CEP57L1: variants seen among roughly 807,000 people sequenced by gnomAD.
CEP57L1 encodes centrosomal protein 57 like 1, also known as centrosomal protein CEP57L1.
CEP57L1 carries 37 observed loss-of-function variants against 61.0 expected under a neutral mutation model. The ratio of observed to expected loss-of-function variants is 0.61; its 90% CI spans 0.47 to 0.80. The LOEUF (loss-of-function observed/expected upper bound fraction) is 0.80. CEP57L1 is among the 30% of genes least tolerant of loss of function. CEP57L1 has a pLI of 0.00. For missense variants in CEP57L1, 422 were observed against 524.7 expected, an observed-to-expected ratio of 0.80 and a Z score of 1.91; for synonymous variants, 137 against 162.3, an observed-to-expected ratio of 0.84 and a Z score of 1.19.
At chr6:109,133,519 C>G (rs1774438603) in intron 1 of CEP57L1, among the ~76,000 whole-genome samples, 1 of 152,094 alleles carries the variant, frequency 6.6e-6, no homozygotes, top group East Asian at 1.9e-4. Context: ...GGTTGGGGAC[C>G]CCTGTGTTAA....
At position 109,171,100 on chromosome 6, in the gene CEP57L1, A is replaced by AG. The variant is rs151027819; in HGVS notation, c.*8132dup. 0.14 allele frequency among the ~76,000 whole-genome samples: 20,626 copies of AG among 152,112 alleles called. 1,641 individuals are homozygous for AG. The highest frequency in any genetic ancestry group is 0.21 in the African/African-American group (8,855 of 41,466). ...GGACACTTAAGCCAAAATTTCAAAC[A>AG]GGTTCTTTTTTCTTTGTTCTTTTAC... On this transcript the variant is annotated 3_prime_UTR_variant, in exon 11 of 11. Transcript: ENST00000517392.
At chr6:109,155,447 A>C in intron 6 of CEP57L1, 140 bp downstream of exon 6, 2 of 504,312 alleles carry the variant, frequency 4.0e-6, no homozygotes, top group Non-Finnish European at 3.4e-6. Flanking sequence ...TGAAATTCTC[A>C]GTCAGCCAGT....
rs533026245 is a variant in CEP57L1 at position 109,170,684 on chromosome 6, C to T, written c.*7714C>T. Among the ~76,000 whole-genome samples the T allele has an allele frequency of 1.1e-4, 16 of 152,238 alleles. No homozygotes were observed. Among genetic ancestry groups the T allele is most frequent in the Admixed American group, 6.5e-4 (10 of 15,306 alleles). The stretch of plus-strand genomic sequence containing the variant: ...TTAAAATTAAATTTTAAAAAGCTCT[C>T]GAGAAGTCTGTGGAACATTTATGGT... On this transcript the variant is annotated 3_prime_UTR_variant, in exon 11 of 11. Transcript: ENST00000517392.
At chr6:109,135,789 A>C (rs934062246) in intron 1 of CEP57L1, among the ~76,000 whole-genome samples, 7 of 152,134 alleles carry the variant, frequency 4.6e-5, no homozygotes, top group African/African-American at 9.7e-5. Flanking sequence ...GGAGACATGT[A>C]TGCAGCCAAC....
chr6:109,124,704 T>C (rs957374138), intron 1 of CEP57L1, among the ~76,000 whole-genome samples: 4 of 152,194 alleles, frequency 2.6e-5, no homozygotes, highest in Non-Finnish European at 4.4e-5. Context: ...ACCCATTCTC[T>C]CACTTTCTTT....
intron 1 of CEP57L1, among the ~76,000 whole-genome samples, chr6:109,104,532 C>A (rs182864359): frequency 1.3e-5 from 2 of 152,250 alleles, no homozygotes; most frequent in African/African-American, 2.4e-5. Flanking sequence ...TTCCCCACAT[C>A]CTTGACAAAA....
intron 1 of CEP57L1, among the ~76,000 whole-genome samples, chr6:109,142,958 TCTCTCTCTCTC>T (rs1162775960): frequency 8.9e-5 from 5 of 55,952 alleles, no homozygotes; most frequent in Non-Finnish European, 1.5e-4. Flanking sequence ...TCTCTCTCTC[TCTCTCTCTCTC>T]TCTCTCTCTC....
At chr6:109,101,623 C>CTTT (rs1175348573) in intron 1 of CEP57L1, among the ~76,000 whole-genome samples, 1 of 139,930 alleles carries the variant, frequency 7.1e-6, no homozygotes, top group Non-Finnish European at 1.5e-5. Context: ...TTTCTTTTTT[C>CTTT]TTTTTTTTTT....
chr6:109,117,992 G>A (rs932384715), intron 1 of CEP57L1, among the ~76,000 whole-genome samples: 1 of 152,212 alleles, frequency 6.6e-6, no homozygotes, highest in Non-Finnish European at 1.5e-5. Flanking sequence ...TAAGAGGAAA[G>A]TAATACATAT....
chr6:109,147,835 C>G (rs1198871653), intron 3 of CEP57L1, among the ~76,000 whole-genome samples: 1 of 152,104 alleles, frequency 6.6e-6, no homozygotes, highest in Admixed American at 6.5e-5. Flanking sequence ...CATCAACAAC[C>G]AGGATATTTA....
chr6:109,142,756 C>G (rs904000939), intron 1 of CEP57L1, among the ~76,000 whole-genome samples: 5 of 152,098 alleles, frequency 3.3e-5, no homozygotes, highest in African/African-American at 1.2e-4. Flanking sequence ...CAGTTACCAA[C>G]AGCTAGCTAA....
At chr6:109,155,704 A>G (rs1773148147) in intron 6 of CEP57L1, 87 bp from the exon 7 acceptor site, 1 of 695,728 alleles carries the variant, frequency 1.4e-6, no homozygotes, top group Non-Finnish European at 2.4e-6. Flanking sequence ...AAGCATTTTT[A>G]TATTTATAAA....
At chr6:109,134,987 C>A (rs1296676338) in intron 1 of CEP57L1, among the ~76,000 whole-genome samples, 4 of 152,224 alleles carry the variant, frequency 2.6e-5, no homozygotes, top group Admixed American at 6.5e-5. Context: ...GGCCATACTG[C>A]CCAAAGTAAT....
intron 7 of CEP57L1, chr6:109,156,708 A>G (rs903462276): frequency 1.3e-5 from 2 of 152,122 alleles, no homozygotes; most frequent in South Asian, 2.1e-4. Flanking sequence ...CCACTGCCAT[A>G]TGCTTAGCTT....
chr6:109,140,916 C>G (rs532904377), intron 1 of CEP57L1, among the ~76,000 whole-genome samples: 1 of 151,968 alleles, frequency 6.6e-6, no homozygotes, highest in African/African-American at 2.4e-5. Flanking sequence ...CTGCAAGCTC[C>G]GCCTCCCGGG....
intron 1 of CEP57L1, among the ~76,000 whole-genome samples, chr6:109,138,900 T>C (rs952438833): frequency 1.3e-5 from 2 of 152,238 alleles, no homozygotes; most frequent in Admixed American, 6.5e-5. Context: ...CATAGTTTCA[T>C]GGATAGAAGA....
intron 1 of CEP57L1, among the ~76,000 whole-genome samples, chr6:109,113,218 G>A (rs1280435025): frequency 6.6e-6 from 1 of 151,912 alleles, no homozygotes; most frequent in Non-Finnish European, 1.5e-5. Context: ...ATATATTTAG[G>A]TATCTTTATT....
intron 1 of CEP57L1, among the ~76,000 whole-genome samples, chr6:109,118,419 G>A (rs78284866): frequency 0.017 from 2,586 of 152,266 alleles, 88 homozygotes; most frequent in African/African-American, 0.059. Context: ...ATTTGACAAC[G>A]TATGCTGTTC....
intron 7 of CEP57L1, chr6:109,158,430 G>C (rs192505243): frequency 3.4e-6 from 1 of 295,440 alleles, no homozygotes; most frequent in Non-Finnish European, 6.6e-6. Flanking sequence ...CGGAGGTTGC[G>C]GTGAGCCAAG....
Sources: gnomAD v4.1 joint callset for allele counts (sites outside exome capture counted in the v4.1 genomes callset) on GRCh38, gnomAD v4.1.1 for gene constraint, MANE v1.5 for transcripts, NCBI Gene and HGNC (gene_info 2026-07-23, HGNC 2026-07-21) for gene names.